Variants in XPO1 observed in about 807,000 individuals in gnomAD.
The protein encoded by XPO1 is exportin 1.
XPO1 carries 5 observed loss-of-function variants against 133.3 expected under a neutral mutation model. The ratio of observed to expected loss-of-function variants is 0.04; its 90% CI spans 0.02 to 0.08. The LOEUF is 0.08. Among genes scored for constraint, XPO1 ranks in the 10% least tolerant of loss-of-function variants. The pLI is 1.00. For missense variants in XPO1, 506 were observed against 1,267.5 expected (o/e 0.40, Z 9.12); for synonymous variants, 419 against 408.2 (o/e 1.03, Z -0.32).
intron 3 of XPO1, among the ~76,000 whole-genome samples, chr2:61,525,115 A>C (rs76403079): frequency 0.03 from 4,507 of 152,236 alleles, 94 homozygotes; most frequent in Non-Finnish European, 0.048. Context: ...TAAATGAAAA[A>C]ATAAATGCAT....
intron 4 of XPO1, among the ~76,000 whole-genome samples, chr2:61,503,708 G>A (rs1697658533): frequency 6.6e-6 from 1 of 152,220 alleles, no homozygotes; most frequent in South Asian, 2.1e-4. Flanking sequence ...ACAGGCGTGA[G>A]CCACTGCGCC....
intron 4 of XPO1, among the ~76,000 whole-genome samples, chr2:61,502,870 G>C (rs1327853121): frequency 6.6e-6 from 1 of 152,000 alleles, no homozygotes; most frequent in Admixed American, 6.6e-5. Context: ...GCCTCCCAAA[G>C]TGCTGGAATT....
intron 6 of XPO1, among the ~76,000 whole-genome samples, chr2:61,501,440 G>A (rs909667570): frequency 7.2e-5 from 11 of 152,042 alleles, no homozygotes; most frequent in East Asian, 3.9e-4. Context: ...AAAACAATCC[G>A]GCCAGGTGCA....
At chr2:61,511,857 C>A (rs1698113916) in intron 4 of XPO1, among the ~76,000 whole-genome samples, 1 of 152,132 alleles carries the variant, frequency 6.6e-6, no homozygotes. Context: ...CTCCCTGGTC[C>A]AAGCAACTCC....
intron 4 of XPO1, among the ~76,000 whole-genome samples, chr2:61,510,937 C>CAAA (rs1163597698): frequency 0.012 from 722 of 61,158 alleles, 6 homozygotes; most frequent in African/African-American, 0.035. Flanking sequence ...GACCTTATCT[C>CAAA]AAAAAAAAAA....
chr2:61,507,721 T>C (rs545914988), intron 4 of XPO1, among the ~76,000 whole-genome samples: 2 of 151,682 alleles, frequency 1.3e-5, no homozygotes, highest in South Asian at 4.2e-4. Flanking sequence ...CTGCTAAAAA[T>C]ACAAAAATTA....
At position 61,483,061 on chromosome 2, in the gene XPO1, T is replaced by C; in HGVS notation, c.2708A>G (p.Asn903Ser). The part of the protein sequence containing the change: ...GLQILFTLLQ[N>S]VAQEEAAAQS... ...AGCTGCAGCTTCTTCTTGTGCAACA[T>C]TTTGTAAGAGTGTAAAAAGTATCTG... is the stretch of plus-strand genomic sequence containing the variant. The change falls in exon 22 of 25, where the codon AAT becomes AGT. Residue 903 changes from asparagine to serine, a missense_variant. Physicochemically the swap from Asn to Ser is conservative, Grantham distance 46. Coordinates refer to ENST00000401558, the MANE Select transcript of XPO1 (RefSeq NM_003400.4). 2 of 1,613,462 alleles carry C rather than the reference T, an allele frequency of 1.2e-6. No homozygotes were observed. Among genetic ancestry groups the C allele is most frequent in the Non-Finnish European group, 1.7e-6 (2 of 1,179,958 alleles).
chr2:61,488,302 T>G (rs2104384075), intron 18 of XPO1, 31 bp from the exon 19 acceptor site: 1 of 1,595,220 alleles, frequency 6.3e-7, no homozygotes, highest in South Asian at 1.1e-5. Context: ...GAATCTAATT[T>G]TACCACTAAA....
rs139726991 is a variant in XPO1, at chr2:61,499,859, A to T, written c.444T>A (p.Thr148=). 1 of 1,611,668 alleles carries T rather than the reference A, an allele frequency of 6.2e-7. No individual in the cohort carries two copies. Among genetic ancestry groups the T allele is most frequent in the African/African-American group, 1.3e-5 (1 of 74,966 alleles). ...TTGCTCCAACAATATCACTGATAAA[A>T]GTTGGCCAATGTTTGGGCCATTCTT... The part of the protein sequence containing the change: ...LKQEWPKHWP[T]FISDIVGASR... The change falls in exon 7 of 25, where the codon ACT becomes ACA. Residue 148 remains threonine (T), a synonymous_variant. Coordinates refer to ENST00000401558, the MANE Select transcript of XPO1 (RefSeq NM_003400.4).
intron 10 of XPO1, among the ~76,000 whole-genome samples, 181 bp from the exon 11 acceptor site, chr2:61,495,794 C>G (rs905149333): frequency 1.3e-5 from 2 of 152,048 alleles, no homozygotes; most frequent in Non-Finnish European, 2.9e-5. Context: ...CAGCCCCTCC[C>G]GAGTAGCTGG....
At position 61,501,600 on chromosome 2, in the gene XPO1, G is replaced by A. The variant is rs1277392226; in HGVS notation, c.408+396C>T. Among the ~76,000 whole-genome samples, 7 of 151,494 alleles carry A rather than the reference G, an allele frequency of 4.6e-5. No homozygotes were observed. In the East Asian group the frequency reaches 5.9e-4, roughly 13 times the overall value. ...TAGCCAAACGTGGTGGTAAGCACCC[G>A]TAATTCCAGCCACTCAGGAGGCTGA... On this transcript the variant is annotated intron_variant, in intron 6 of 24. Transcript: ENST00000401558.
intron 20 of XPO1, chr2:61,485,023 G>A (rs1696610799): frequency 1.3e-5 from 2 of 152,178 alleles, no homozygotes; most frequent in Non-Finnish European, 2.9e-5. Flanking sequence ...GGGATTACAG[G>A]TGTTGAGCCA....
intron 4 of XPO1, among the ~76,000 whole-genome samples, chr2:61,505,625 C>G (rs991570399): frequency 2.6e-5 from 4 of 152,034 alleles, no homozygotes; most frequent in African/African-American, 9.7e-5. Context: ...GTGGCGTGAT[C>G]TCAGCTCACT....
In XPO1 at chr2:61,504,723, A is replaced by G. The variant is rs191452357; in HGVS notation, c.302-2413T>C. 1.3e-4 allele frequency among the ~76,000 whole-genome samples: 20 copies of G among 152,354 alleles called. 1 individual carries two copies. The East Asian group carries it at 2.5e-3, about 19-fold the overall frequency. Reference sequence around the variant, plus strand: ...GGCAGCAAAATGCTTGTGAGATTGTATAACTATGAGCTAATGTATTAAATT... The same window carrying G: ...GGCAGCAAAATGCTTGTGAGATTGTGTAACTATGAGCTAATGTATTAAATT... On this transcript the variant is annotated intron_variant, in intron 4 of 24. Coordinates refer to ENST00000401558, the MANE Select transcript of XPO1 (RefSeq NM_003400.4).
In XPO1 at chr2:61,493,069, T is replaced by C. The variant is rs1697069424; in HGVS notation, c.1246-16A>G. 4 of 1,552,466 alleles carry C rather than the reference T, an allele frequency of 2.6e-6. No homozygotes were observed. The highest frequency in any genetic ancestry group is 2.3e-5 in the East Asian group (1 of 43,886). On this transcript the variant is annotated splice_polypyrimidine_tract_variant and intron_variant, in intron 12 of 24. Transcript: ENST00000401558. ...ATAAACGGACCTATACTCAACAATA[T>C]ATCAATCAAGAAAAAAATCGTTAGA...
chr2:61,532,196 C>T (rs1176203941), intron 2 of XPO1, among the ~76,000 whole-genome samples: 7 of 152,070 alleles, frequency 4.6e-5, no homozygotes, highest in Admixed American at 2.0e-4. Context: ...GGCGCAACCT[C>T]GGCTCACTGC....
At chr2:61,499,620 C>T in intron 7 of XPO1, 93 bp downstream of exon 7, 1 of 1,226,264 alleles carries the variant, frequency 8.2e-7, no homozygotes, top group Non-Finnish European at 1.1e-6. Context: ...TATTACTGAT[C>T]ATAGTTCCTT....
chr2:61,479,753 T>C (rs1388310732), intron 24 of XPO1, among the ~76,000 whole-genome samples: 1 of 152,070 alleles, frequency 6.6e-6, no homozygotes, highest in Non-Finnish European at 1.5e-5. Flanking sequence ...ACTAGAGACG[T>C]AGTTTCACCA....
chr2:61,527,579 ATACAAAAATACAT>A (rs1698962111), intron 2 of XPO1, among the ~76,000 whole-genome samples: 1 of 152,192 alleles, frequency 6.6e-6, no homozygotes, highest in Non-Finnish European at 1.5e-5. Flanking sequence ...ATCTCTCTAA[ATACAAAAATACAT>A]TTCATGGAAA....
Sources: allele counts gnomAD v4.1 joint callset (sites outside exome capture counted in the v4.1 genomes callset), GRCh38; gene constraint gnomAD v4.1.1; transcripts MANE v1.5; gene names NCBI Gene and HGNC (gene_info 2026-07-23, HGNC 2026-07-21).